TRHDE: variants seen among roughly 807,000 people sequenced by gnomAD.
The protein encoded by TRHDE is thyrotropin-releasing hormone-degrading ectoenzyme.
TRHDE carries 72 observed loss-of-function variants against 125.7 expected under a neutral mutation model. That is an observed-to-expected ratio of 0.57 (90% confidence interval 0.47 to 0.70). TRHDE has a LOEUF of 0.70. Ranked by LOEUF, TRHDE falls within the 30% of genes least tolerant of loss-of-function variation. The pLI is 0.00. For missense variants in TRHDE, 1,110 were observed against 1,327.1 expected, an observed-to-expected ratio of 0.84 and a Z score of 2.54; for synonymous variants, 509 against 509.1, an observed-to-expected ratio of 1.00 and a Z score of 0.00.
chr12:72,150,193 A>G (rs1876325835), intron 2 of TRHDE, among the ~76,000 whole-genome samples: 1 of 152,170 alleles, frequency 6.6e-6, no homozygotes, highest in African/African-American at 2.4e-5. Flanking sequence ...GAAGAATATA[A>G]GATAGGCAAA....
intron 2 of TRHDE, among the ~76,000 whole-genome samples, chr12:72,376,236 C>T (rs1024137605): frequency 2.0e-5 from 3 of 152,168 alleles, no homozygotes; most frequent in Non-Finnish European, 4.4e-5. Flanking sequence ...GAAATTGCAC[C>T]CTTGCTTAGT....
intron 3 of TRHDE, among the ~76,000 whole-genome samples, chr12:72,378,696 T>G (rs1490134471): frequency 6.6e-6 from 1 of 152,232 alleles, no homozygotes; most frequent in Non-Finnish European, 1.5e-5. Flanking sequence ...TAGTACACTA[T>G]TATAGTAAAT....
At chr12:72,315,891 A>ACCC (rs1219877617) in intron 2 of TRHDE, among the ~76,000 whole-genome samples, 1 of 152,190 alleles carries the variant, frequency 6.6e-6, no homozygotes, top group Non-Finnish European at 1.5e-5. Context: ...AATTATGGTT[A>ACCC]CTTTAAAAGG....
rs779928334 is a variant in TRHDE, at chr12:72,469,886, G to T, written c.1444G>T (p.Val482Phe). The T allele has an allele frequency of 6.2e-7, 1 of 1,614,028 alleles. No individual in the cohort carries two copies. ...SISYLLDVTM[V>F]IVHEICHQWF... The stretch of plus-strand genomic sequence containing the variant: ...TTCTTATTTGCTGGATGTCACCATG[G>T]TCATTGTTCATGAGATATGTCACCA... The change falls in exon 4 of 19, where the codon GTC becomes TTC. Residue 482 changes from valine (V) to phenylalanine (F), a missense_variant. By Grantham distance (50) the Val-to-Phe change is conservative. Coordinates refer to ENST00000261180, the MANE Select transcript of TRHDE (RefSeq NM_013381.3).
At chr12:72,381,321 C>T (rs371228976) in intron 3 of TRHDE, among the ~76,000 whole-genome samples, 88 of 151,812 alleles carry the variant, frequency 5.8e-4, no homozygotes, top group African/African-American at 2.0e-3. Context: ...ATGATGGATG[C>T]TTGGATGAGG....
chr12:72,345,309 A>T (rs1870277011), intron 2 of TRHDE, among the ~76,000 whole-genome samples: 1 of 152,076 alleles, frequency 6.6e-6, no homozygotes, highest in African/African-American at 2.4e-5. Flanking sequence ...GTATTTGCTG[A>T]TTTATATGGT....
rs1243418211 is a variant in TRHDE at position 72,575,543 on chromosome 12, GTA to G, written c.2321+3_2321+4del. On this transcript the variant is annotated splice_donor_variant and splice_donor_region_variant and intron_variant, in intron 12 of 18. Coordinates refer to ENST00000261180, the MANE Select transcript of TRHDE (RefSeq NM_013381.3). LOFTEE classifies it high-confidence loss of function. ...TCGATGATGCCTTCAGCCTAGCCAG[GTA>G]TGTTTTCCTGTGGATCTCCCCAATA... 2.5e-6 allele frequency: 4 copies of G among 1,613,324 alleles called. No homozygotes were observed. The highest frequency in any genetic ancestry group is 3.4e-6 in the Non-Finnish European group (4 of 1,179,662).
chr12:72,200,415 TG>T (rs1179385316), intron 2 of TRHDE, among the ~76,000 whole-genome samples: 1 of 152,222 alleles, frequency 6.6e-6, no homozygotes, highest in East Asian at 1.9e-4. Flanking sequence ...ATCCAAAAGA[TG>T]TGTGTTAGAA....
chr12:72,463,278 A>G (rs565211862), intron 3 of TRHDE, among the ~76,000 whole-genome samples: 17 of 152,310 alleles, frequency 1.1e-4, no homozygotes, highest in Admixed American at 3.3e-4. Flanking sequence ...AGAACTTTCT[A>G]TCCCTTTTCC....
At chr12:72,128,363 A>C (rs1875774695) in intron 2 of TRHDE, among the ~76,000 whole-genome samples, 1 of 152,146 alleles carries the variant, frequency 6.6e-6, no homozygotes, top group African/African-American at 2.4e-5. Context: ...TCATAGAAAC[A>C]CAAAAAGATC....
At chr12:72,407,455 C>T (rs555388542) in intron 3 of TRHDE, among the ~76,000 whole-genome samples, 62 of 152,280 alleles carry the variant, frequency 4.1e-4, no homozygotes, top group East Asian at 1.9e-4. Flanking sequence ...CACAGGAGAA[C>T]GCTAGTGTGG....
At chr12:72,190,223 AC>A (rs1309981464) in intron 2 of TRHDE, among the ~76,000 whole-genome samples, 1 of 152,104 alleles carries the variant, frequency 6.6e-6, no homozygotes, top group Non-Finnish European at 1.5e-5. Flanking sequence ...CAAAATACCT[AC>A]TCCTGTTGCA....
intron 2 of TRHDE, among the ~76,000 whole-genome samples, chr12:72,325,271 C>A (rs147904083): frequency 6.6e-6 from 1 of 151,860 alleles, no homozygotes; most frequent in Non-Finnish European, 1.5e-5. Flanking sequence ...AATCTGTACC[C>A]CCCAGTTTTA....
chr12:72,308,966 A>T (rs4350401), intron 2 of TRHDE, among the ~76,000 whole-genome samples: 17,240 of 151,980 alleles, frequency 0.11, 3,009 homozygotes, highest in African/African-American at 0.38. Flanking sequence ...TTTTAATGTT[A>T]GAACTCTTGT....
chr12:72,435,774 C>T (rs1410736257), intron 3 of TRHDE, among the ~76,000 whole-genome samples: 1 of 150,432 alleles, frequency 6.6e-6, no homozygotes, highest in East Asian at 2.0e-4. Context: ...TTAGCTGTTA[C>T]AAAAGAAACA....
intron 15 of TRHDE, among the ~76,000 whole-genome samples, chr12:72,648,205 T>TA (rs879680441): frequency 7.9e-5 from 12 of 151,520 alleles, no homozygotes; most frequent in Middle Eastern, 3.4e-3. Flanking sequence ...CCTTTCATGA[T>TA]AAAAAAAAAT....
At chr12:72,509,595 A>AGGGC (rs1878500989) in intron 6 of TRHDE, among the ~76,000 whole-genome samples, 2 of 152,040 alleles carry the variant, frequency 1.3e-5, no homozygotes, top group Non-Finnish European at 2.9e-5. Context: ...CTTAAATGTC[A>AGGGC]CCTTCTCAAG....
chr12:72,367,950 A>G (rs1161328695), intron 2 of TRHDE, among the ~76,000 whole-genome samples: 2 of 152,212 alleles, frequency 1.3e-5, no homozygotes, highest in African/African-American at 4.8e-5. Context: ...TAAAGTACCA[A>G]ATTACAAATG....
At chr12:72,324,514 A>G (rs1869248866) in intron 2 of TRHDE, among the ~76,000 whole-genome samples, 1 of 152,136 alleles carries the variant, frequency 6.6e-6, no homozygotes, top group Non-Finnish European at 1.5e-5. Flanking sequence ...TAAGTCAGAC[A>G]TGAGCTGAAT....
Sources: gnomAD v4.1 joint callset for allele counts (sites outside exome capture counted in the v4.1 genomes callset) on GRCh38, gnomAD v4.1.1 for gene constraint, MANE v1.5 for transcripts, NCBI Gene and HGNC (gene_info 2026-07-23, HGNC 2026-07-21) for gene names.